The following GRM5 variants were observed in gnomAD, a reference collection of about 807,000 sequenced individuals.
The protein encoded by GRM5 is glutamate metabotropic receptor 5.
Under a neutral mutation model 83.1 loss-of-function variants are expected in GRM5, and 19 were observed. The observed-to-expected ratio is 0.23, with a 90% CI of 0.16 to 0.34. The LOEUF is 0.34. GRM5 is among the 10% of genes least tolerant of loss of function. The probability of loss-of-function intolerance (pLI) is 1.00; values close to 1 mark genes in which losing one functional copy is unlikely to be tolerated. For missense variants in GRM5, 1,160 were observed against 1,588.3 expected (o/e 0.73, Z 4.58); for synonymous variants, 675 against 633.6 (o/e 1.07, Z -0.98).
intron 3 of GRM5, among the ~76,000 whole-genome samples, chr11:88,735,826 C>T (rs1941901882): frequency 6.6e-6 from 1 of 152,044 alleles, no homozygotes; most frequent in Non-Finnish European, 1.5e-5. Flanking sequence ...TACTGATACA[C>T]TACATGCACA....
chr11:88,900,443 T>C (rs1262109020), intron 2 of GRM5, among the ~76,000 whole-genome samples: 1 of 152,162 alleles, frequency 6.6e-6, no homozygotes, highest in African/African-American at 2.4e-5. Context: ...ATAAAGTGGA[T>C]GACTATTTTA....
intron 8 of GRM5, among the ~76,000 whole-genome samples, chr11:88,562,435 C>G (rs745868928): frequency 3.3e-5 from 5 of 152,020 alleles, no homozygotes; most frequent in Admixed American, 3.3e-4. Flanking sequence ...TCAAATTTCC[C>G]ATCTGAAAAA....
At position 88,989,158 on chromosome 11, in the gene GRM5, G is replaced by A. The variant is rs1204752152; in HGVS notation, c.661+58054C>T. On this transcript the variant is annotated intron_variant, in intron 2 of 9. Transcript: ENST00000305447. ...ACACATAGGCTCAAAATAAAAGGAT[G>A]GAGGAAGATCTACCAAGCAAATGGA... Among the ~76,000 whole-genome samples, 4 of 148,876 alleles carry A rather than the reference G, an allele frequency of 2.7e-5. No homozygotes were observed. In the East Asian group the frequency reaches 7.9e-4, roughly 29 times the overall value.
intron 8 of GRM5, among the ~76,000 whole-genome samples, chr11:88,549,579 T>G (rs1942459165): frequency 6.6e-6 from 1 of 151,930 alleles, no homozygotes; most frequent in Non-Finnish European, 1.5e-5. Context: ...TGTTATAGTA[T>G]GTGTTTGGAG....
At chr11:88,753,200 A>C (rs1249890788) in intron 3 of GRM5, among the ~76,000 whole-genome samples, 2 of 152,200 alleles carry the variant, frequency 1.3e-5, no homozygotes, top group Non-Finnish European at 2.9e-5. Flanking sequence ...TCTGCAATCT[A>C]TCCATCTGAC....
chr11:88,807,191 T>C (rs993215), intron 3 of GRM5, among the ~76,000 whole-genome samples: 46,663 of 151,968 alleles, frequency 0.31, 7,575 homozygotes, highest in South Asian at 0.54. Context: ...AAAATGCTTA[T>C]TGAACACATG....
chr11:88,647,270 A>G (rs1229033788), intron 4 of GRM5, among the ~76,000 whole-genome samples: 2 of 152,054 alleles, frequency 1.3e-5, no homozygotes, highest in African/African-American at 2.4e-5. Context: ...TCATACTTTG[A>G]GGTTCTGGCA....
At chr11:88,713,915 T>C (rs2135387099) in intron 3 of GRM5, among the ~76,000 whole-genome samples, 1 of 152,112 alleles carries the variant, frequency 6.6e-6, no homozygotes, top group South Asian at 2.1e-4. Context: ...TCAATTGCTT[T>C]CAATTGAAAG....
chr11:88,863,445 G>C lies in GRM5; in HGVS notation c.662-13290C>G, dbSNP rs1231263844. On this transcript the variant is annotated intron_variant, in intron 2 of 9. Coordinates refer to ENST00000305447, the MANE Select transcript of GRM5 (RefSeq NM_001143831.3). ...ATTATGCAGCTATAAAAATGAATGA[G>C]ATCATGTCCTTTGCAGGGACATGGA... Among the ~76,000 whole-genome samples, 6 of 152,020 alleles carry C rather than the reference G, an allele frequency of 3.9e-5. 1 individual carries two copies. The highest frequency in any genetic ancestry group is 3.9e-4 in the Admixed American group (6 of 15,212).
At chr11:88,595,242 C>T (rs866506627) in intron 6 of GRM5, among the ~76,000 whole-genome samples, 5 of 152,070 alleles carry the variant, frequency 3.3e-5, no homozygotes, top group African/African-American at 1.2e-4. Context: ...TTTATTATTT[C>T]TTCATGTTAG....
chr11:88,509,624 A>T, intron 9 of GRM5, 120 bp from the exon 10 acceptor site: 1 of 655,684 alleles, frequency 1.5e-6, no homozygotes, highest in Non-Finnish European at 2.6e-6. Context: ...TCATTCTTTC[A>T]GGAAACACAG....
At chr11:88,614,116 G>A (rs1259688848) in intron 4 of GRM5, among the ~76,000 whole-genome samples, 1 of 152,018 alleles carries the variant, frequency 6.6e-6, no homozygotes, top group African/African-American at 2.4e-5. Context: ...TGTTTTTCTG[G>A]CTGTTATAAA....
At chr11:88,966,380 GA>G (rs755796399) in intron 2 of GRM5, among the ~76,000 whole-genome samples, 5 of 151,142 alleles carry the variant, frequency 3.3e-5, no homozygotes, top group Non-Finnish European at 7.4e-5. Flanking sequence ...ATAAATCAAT[GA>G]AATTAAAAAC....
At chr11:88,677,613 C>A (rs538173432) in intron 3 of GRM5, among the ~76,000 whole-genome samples, 5 of 152,214 alleles carry the variant, frequency 3.3e-5, no homozygotes, top group African/African-American at 1.2e-4. Context: ...TAAGCCTGAC[C>A]ACTTTGAACT....
intron 3 of GRM5, among the ~76,000 whole-genome samples, chr11:88,696,365 A>G (rs10831280): frequency 0.98 from 148,577 of 152,130 alleles, 72,663 homozygotes; most frequent in East Asian, 1. Context: ...AGTGGTCTTG[A>G]AAAATGCAAC....
intron 2 of GRM5, among the ~76,000 whole-genome samples, chr11:88,906,809 G>A (rs1945411553): frequency 2.0e-5 from 3 of 152,100 alleles, no homozygotes; most frequent in Admixed American, 2.0e-4. Flanking sequence ...ACTCCATTGA[G>A]CCATTATATG....
At chr11:88,803,101 C>A (rs1316928161) in intron 3 of GRM5, among the ~76,000 whole-genome samples, 1 of 145,652 alleles carries the variant, frequency 6.9e-6, no homozygotes, top group Non-Finnish European at 1.5e-5. Flanking sequence ...ATGAAAATGG[C>A]CATACTGCCC....
Position 89,000,532 on chromosome 11 carries a change from A to G in GRM5, c.661+46680T>C, listed in dbSNP as rs58024970. On this transcript the variant is annotated intron_variant, in intron 2 of 9. Transcript: ENST00000305447. ...GCAAAGAAAAAAGAAACGAATCTCA[A>G]TCTAAACCTCATAATTCAAGCTGGA... Among the ~76,000 whole-genome samples, 192 of 152,298 alleles carry G rather than the reference A, an allele frequency of 1.3e-3. 2 individuals carry two copies. Among genetic ancestry groups the G allele is most frequent in the African/African-American group, 4.4e-3 (184 of 41,566 alleles).
chr11:88,800,062 G>T (rs1226914419), intron 3 of GRM5, among the ~76,000 whole-genome samples: 2 of 151,966 alleles, frequency 1.3e-5, no homozygotes, highest in Non-Finnish European at 2.9e-5. Context: ...GCCCCACAGG[G>T]AGTTTATGCA....
Sources: gnomAD v4.1 joint callset for allele counts (sites outside exome capture counted in the v4.1 genomes callset) on GRCh38, gnomAD v4.1.1 for gene constraint, MANE v1.5 for transcripts, NCBI Gene and HGNC (gene_info 2026-07-23, HGNC 2026-07-21) for gene names.